The following MIR2052HG variants were observed in gnomAD, a reference collection of about 807,000 sequenced individuals.
The protein encoded by MIR2052HG is MIR2052 host gene.
At chr8:74,637,434 C>T (rs1393986815) in intron 2 of MIR2052HG, among the ~76,000 whole-genome samples, 5 of 150,922 alleles carry the variant, frequency 3.3e-5, no homozygotes, top group Non-Finnish European at 5.9e-5. Context: ...TGTGCGTGCA[C>T]ACACACACAC....
At chr8:74,679,865 T>A (rs1251514585) in intron 2 of MIR2052HG, among the ~76,000 whole-genome samples, 1 of 152,054 alleles carries the variant, frequency 6.6e-6, no homozygotes, top group South Asian at 2.1e-4. Context: ...TCTTAACAGC[T>A]AAATAGTAGA....
intron 2 of MIR2052HG, among the ~76,000 whole-genome samples, chr8:74,682,843 A>G (rs1026753447): frequency 6.6e-6 from 1 of 152,178 alleles, no homozygotes; most frequent in African/African-American, 2.4e-5. Context: ...TACAGAAAAA[A>G]ACTGGAAACA....
intron 2 of MIR2052HG, among the ~76,000 whole-genome samples, chr8:74,626,623 A>G (rs183464840): frequency 2.0e-5 from 3 of 152,340 alleles, no homozygotes; most frequent in Admixed American, 6.5e-5. Flanking sequence ...TTCATCTTCT[A>G]TATGCCGTGA....
At chr8:74,668,771 C>T (rs183255875) in intron 2 of MIR2052HG, among the ~76,000 whole-genome samples, 2 of 152,290 alleles carry the variant, frequency 1.3e-5, no homozygotes, top group Non-Finnish European at 1.5e-5. Flanking sequence ...AAGGTAAGAA[C>T]CTTTTTGTGG....
chr8:74,694,703 A>G (rs1017164143), intron 2 of MIR2052HG, among the ~76,000 whole-genome samples: 2 of 152,216 alleles, frequency 1.3e-5, no homozygotes, highest in African/African-American at 4.8e-5. Context: ...ATACACTGGA[A>G]AGTCTCAACA....
At chr8:74,679,868 A>G (rs1586912039) in intron 2 of MIR2052HG, among the ~76,000 whole-genome samples, 2 of 152,200 alleles carry the variant, frequency 1.3e-5, no homozygotes, top group Non-Finnish European at 2.9e-5. Context: ...TAACAGCTAA[A>G]TAGTAGAAGT....
In MIR2052HG at chr8:74,601,381, G is replaced by A. The variant is rs546426613; in HGVS notation, n.128+1473G>A. ...AGAGAGTGTGCCCATAACATAAGGGGTAGGCTGTGAGTGGCATACATTTTC... is the reference window on the plus strand; with the variant it reads ...AGAGAGTGTGCCCATAACATAAGGGATAGGCTGTGAGTGGCATACATTTTC... On this transcript the variant is annotated intron_variant and non_coding_transcript_variant, in intron 1 of 6. Transcript: ENST00000523442. 7.9e-5 allele frequency among the ~76,000 whole-genome samples: 12 copies of A among 152,224 alleles called. No homozygotes were observed. The South Asian group carries it at 2.3e-3, about 29-fold the overall frequency.
At chr8:74,644,349 C>T (rs1016187926) in intron 2 of MIR2052HG, among the ~76,000 whole-genome samples, 2 of 152,182 alleles carry the variant, frequency 1.3e-5, no homozygotes, top group Admixed American at 1.3e-4. Flanking sequence ...CACTGTGTTA[C>T]AATTGCCTAC....
At chr8:74,642,238 A>G (rs1808646039) in intron 2 of MIR2052HG, among the ~76,000 whole-genome samples, 1 of 152,032 alleles carries the variant, frequency 6.6e-6, no homozygotes, top group South Asian at 2.1e-4. Context: ...CTAGTTTTAG[A>G]TCACAGTGGT....
chr8:74,649,185 G>C (rs974767596), intron 2 of MIR2052HG, among the ~76,000 whole-genome samples: 5 of 152,104 alleles, frequency 3.3e-5, no homozygotes, highest in Non-Finnish European at 7.4e-5. Context: ...TTTTAAGAAA[G>C]AGAAGAAATA....
At chr8:74,608,827 C>G (rs1808150142) in intron 1 of MIR2052HG, among the ~76,000 whole-genome samples, 1 of 151,982 alleles carries the variant, frequency 6.6e-6, no homozygotes, top group Admixed American at 6.6e-5. Context: ...ATGACACCAA[C>G]TACCTGTATT....
chr8:74,752,905 T>C (rs1264127675), intron 5 of MIR2052HG, among the ~76,000 whole-genome samples: 2 of 152,236 alleles, frequency 1.3e-5, no homozygotes, highest in African/African-American at 4.8e-5. Context: ...TGAGAGCATC[T>C]CAGATTCACC....
chr8:74,673,910 T>TATATATATACAC lies in MIR2052HG; in HGVS notation n.217-28468_217-28467insTATATATACACA, dbSNP rs1485340799. Among the ~76,000 whole-genome samples, 593 of 133,146 alleles carry TATATATATACAC rather than the reference T, an allele frequency of 4.5e-3. 18 individuals carry two copies. Among genetic ancestry groups the TATATATATACAC allele is most frequent in the African/African-American group, 0.019 (550 of 29,480 alleles). The allele number at this position is 133,146 out of a possible 152,430, so 87.3% of individuals were successfully genotyped here. ...TTGTATATATATATATATATATATA[T>TATATATATACAC]ACACACACAAAATATCTATCTATAT... On this transcript the variant is annotated intron_variant and non_coding_transcript_variant, in intron 2 of 6. Transcript: ENST00000523442.
intron 2 of MIR2052HG, among the ~76,000 whole-genome samples, chr8:74,651,775 A>G (rs541034340): frequency 4.8e-4 from 73 of 152,286 alleles, no homozygotes; most frequent in African/African-American, 1.2e-3. Context: ...AGTTGAAGTG[A>G]AAATACACAG....
intron 2 of MIR2052HG, among the ~76,000 whole-genome samples, chr8:74,644,821 G>T (rs1808674849): frequency 1.3e-5 from 2 of 151,978 alleles, no homozygotes; most frequent in Admixed American, 6.6e-5. Context: ...AGCCCAGGAG[G>T]TTGAGGCTGC....
chr8:74,612,984 A>G (rs1319754278), intron 2 of MIR2052HG: 1 of 453,570 alleles, frequency 2.2e-6, no homozygotes. Flanking sequence ...TGGGAAGACA[A>G]ATATGATAAT....
chr8:74,738,057 TATCA>T (rs959577234), intron 4 of MIR2052HG, among the ~76,000 whole-genome samples: 35 of 152,196 alleles, frequency 2.3e-4, no homozygotes, highest in Non-Finnish European at 4.0e-4. Context: ...TGTATGTATC[TATCA>T]TTTATGTATG....
intron 2 of MIR2052HG, among the ~76,000 whole-genome samples, chr8:74,662,498 A>G (rs548631571): frequency 6.6e-6 from 1 of 152,106 alleles, no homozygotes; most frequent in Admixed American, 6.6e-5. Flanking sequence ...GGGGCTTAAA[A>G]CCCAGATGAC....
intron 2 of MIR2052HG, among the ~76,000 whole-genome samples, chr8:74,636,932 C>G (rs1296231049): frequency 6.6e-6 from 1 of 152,098 alleles, no homozygotes; most frequent in Non-Finnish European, 1.5e-5. Context: ...CTAATATGCT[C>G]ACAGCTATGT....
Sources: allele counts gnomAD v4.1 joint callset (sites outside exome capture counted in the v4.1 genomes callset), GRCh38; gene constraint gnomAD v4.1.1; transcripts MANE v1.5; gene names NCBI Gene and HGNC (gene_info 2026-07-23, HGNC 2026-07-21).